The following GRAMD1B variants were observed in gnomAD, a reference collection of about 807,000 sequenced individuals.
The protein encoded by GRAMD1B is GRAM domain containing 1B, also known as protein Aster-B.
Under a neutral mutation model 99.7 loss-of-function variants are expected in GRAMD1B, and 37 were observed. That is an observed-to-expected ratio of 0.37 (90% CI 0.29 to 0.49). GRAMD1B has a LOEUF of 0.49. GRAMD1B is among the 20% of genes least tolerant of loss of function. The pLI is 0.98. For missense variants in GRAMD1B, 888 were observed against 1,009.2 expected (o/e 0.88, Z 1.63); for synonymous variants, 427 against 387.6 (o/e 1.10, Z -1.19).
At chr11:123,595,718 A>G (rs1218519753) in intron 6 of GRAMD1B, among the ~76,000 whole-genome samples, 1 of 152,186 alleles carries the variant, frequency 6.6e-6, no homozygotes, top group Non-Finnish European at 1.5e-5. Flanking sequence ...TTGCCCAAGA[A>G]TCAAGATACT....
At chr11:123,491,704 C>A (rs960642240) in intron 2 of GRAMD1B, 14 of 393,496 alleles carry the variant, frequency 3.6e-5, no homozygotes, top group Non-Finnish European at 4.9e-5. Context: ...TTATATTGAA[C>A]CACACGGAGG....
chr11:123,589,614 T>TATATA (rs1555089174), intron 4 of GRAMD1B, among the ~76,000 whole-genome samples: 7,364 of 127,998 alleles, frequency 0.058, 283 homozygotes, highest in South Asian at 0.089. Flanking sequence ...TGGCTAATTT[T>TATATA]TATATATATA....
Position 123,430,818 on chromosome 11 carries a change from A to G in GRAMD1B, c.26A>G (p.Asn9Ser). 1.4e-6 allele frequency: 1 copy of G among 695,084 alleles called. No individual in the cohort carries two copies. The highest frequency in any genetic ancestry group is 2.7e-5 in the East Asian group (1 of 37,058). The allele number at this position is 695,084 out of a possible 1,614,324, so 43.1% of individuals were successfully genotyped here. A position where few individuals can be genotyped will look rare whatever the true frequency, so the allele number is the denominator to read the frequency against. ...ATGCCGGCGGCCAACATGATGGAGAACCGGCCGCTGCCCGCCCTGCAGGTG... is the reference window on the plus strand; with the variant it reads ...ATGCCGGCGGCCAACATGATGGAGAGCCGGCCGCTGCCCGCCCTGCAGGTG... MPAANMME[N>S]RPLPALQVPE... The change falls in exon 1 of 20, where the codon AAC (asparagine) becomes AGC (serine). Residue 9 changes from asparagine to serine, a missense_variant. By Grantham distance (46) the Asn-to-Ser change is conservative. This residue lies in a region of GRAMD1B where 233 missense variants were observed against 154.6 expected (regional missense o/e 1.51). Coordinates refer to ENST00000635736, the MANE Select transcript of GRAMD1B (RefSeq NM_001387025.1).
intron 2 of GRAMD1B, among the ~76,000 whole-genome samples, chr11:123,548,325 T>TATATACACACACAC (rs1555067740): frequency 4.6e-5 from 4 of 86,902 alleles, no homozygotes; most frequent in Non-Finnish European, 4.2e-5. Context: ...TATATATATA[T>TATATACACACACAC]ACACACACAC....
intron 9 of GRAMD1B, 55 bp from the exon 10 acceptor site, chr11:123,605,267 G>C (rs916511635): frequency 7.8e-7 from 1 of 1,278,990 alleles, no homozygotes; most frequent in Admixed American, 2.3e-5. Context: ...TCTTAGAATA[G>C]TTGGCCATCT....
chr11:123,449,713 G>GTTTTTTTTTT (rs1245614513), intron 1 of GRAMD1B, among the ~76,000 whole-genome samples: 8 of 79,546 alleles, frequency 1.0e-4, no homozygotes, highest in African/African-American at 1.8e-4. Context: ...ACCATGCCTG[G>GTTTTTTTTTT]CTTTTTTTTT....
intron 1 of GRAMD1B, among the ~76,000 whole-genome samples, chr11:123,448,362 C>CTT (rs71279495): frequency 0.43 from 65,645 of 151,838 alleles, 14,529 homozygotes; most frequent in Middle Eastern, 0.57. Flanking sequence ...AAGCGATTCT[C>CTT]GTGTGTGCCA....
intron 11 of GRAMD1B, 99 bp downstream of exon 11, chr11:123,606,897 G>A: frequency 3.4e-6 from 3 of 872,896 alleles, no homozygotes; most frequent in Non-Finnish European, 5.4e-6. Context: ...TAGGTTCCTG[G>A]TGGAGAGATG....
intron 1 of GRAMD1B, among the ~76,000 whole-genome samples, chr11:123,410,907 A>C (rs1948024676): frequency 6.6e-6 from 1 of 152,078 alleles, no homozygotes; most frequent in African/African-American, 2.4e-5. Flanking sequence ...CTTCATGCCT[A>C]CCTAATGGTT....
chr11:123,514,513 T>C (rs560493578), intron 2 of GRAMD1B, among the ~76,000 whole-genome samples: 3 of 152,328 alleles, frequency 2.0e-5, no homozygotes, highest in South Asian at 4.1e-4. Flanking sequence ...AGTCACTGAA[T>C]GGTGGCTGTG....
chr11:123,500,054 G>A (rs1243577352), intron 2 of GRAMD1B, among the ~76,000 whole-genome samples: 3 of 152,154 alleles, frequency 2.0e-5, no homozygotes, highest in Non-Finnish European at 2.9e-5. Context: ...TTGGCCGGAC[G>A]CAGTGGCTCA....
At chr11:123,619,633 A>T in intron 19 of GRAMD1B, 8 of 401,094 alleles carry the variant, frequency 2.0e-5, no homozygotes, top group Non-Finnish European at 2.4e-5. Flanking sequence ...CTCCTCTGAC[A>T]GTCAGTGGCA....
At chr11:123,385,853 C>T (rs1947037533) in intron 1 of GRAMD1B, among the ~76,000 whole-genome samples, 1 of 152,126 alleles carries the variant, frequency 6.6e-6, no homozygotes, top group Admixed American at 6.5e-5. Context: ...TTCCCTGTGC[C>T]ACTGTGAGTC....
At chr11:123,403,971 GTCTT>G (rs1439481207) in intron 1 of GRAMD1B, among the ~76,000 whole-genome samples, 1 of 152,126 alleles carries the variant, frequency 6.6e-6, no homozygotes, top group Non-Finnish European at 1.5e-5. Flanking sequence ...CACCTTACGT[GTCTT>G]TCTTTTTGTT....
At chr11:123,412,076 TGTG>T (rs1236070945) in intron 1 of GRAMD1B, among the ~76,000 whole-genome samples, 1 of 152,198 alleles carries the variant, frequency 6.6e-6, no homozygotes, top group Non-Finnish European at 1.5e-5. Context: ...AGATACATAA[TGTG>T]GTAAGTGTAT....
chr11:123,360,437 C>G (rs1450587623), intron 1 of GRAMD1B, among the ~76,000 whole-genome samples: 2 of 152,218 alleles, frequency 1.3e-5, no homozygotes, highest in Non-Finnish European at 2.9e-5. Flanking sequence ...GAGATCTCAT[C>G]CTCACCTTGC....
At chr11:123,415,556 C>A (rs748107272) in intron 1 of GRAMD1B, among the ~76,000 whole-genome samples, 1 of 150,588 alleles carries the variant, frequency 6.6e-6, no homozygotes, top group Non-Finnish European at 1.5e-5. Context: ...CTTCAGGACG[C>A]CTTAGGTCTT....
In GRAMD1B at chr11:123,424,926, T is replaced by C. The variant is rs1055981169; in HGVS notation, c.-175-55890T>C. ...GTAACAACTACTTGTAGAATTAAAC[T>C]GAGTTGAAAATCAACAAGAATAGTC... On this transcript the variant is annotated intron_variant, in intron 1 of 20. Transcript: ENST00000638157. Among the ~76,000 whole-genome samples, 6 of 152,336 alleles carry C rather than the reference T, an allele frequency of 3.9e-5. No homozygotes were observed. In the South Asian group the frequency reaches 6.2e-4, roughly 16 times the overall value.
intron 2 of GRAMD1B, among the ~76,000 whole-genome samples, chr11:123,498,376 A>G (rs1217996076): frequency 6.6e-6 from 1 of 152,192 alleles, no homozygotes; most frequent in Non-Finnish European, 1.5e-5. Context: ...CCCTCTCCCA[A>G]GTGTACAGAT....
Sources: gnomAD v4.1 joint callset for allele counts (sites outside exome capture counted in the v4.1 genomes callset) on GRCh38, gnomAD v4.1.1 for gene constraint, gnomAD v4.1.1 regional missense constraint, MANE v1.5 for transcripts, NCBI Gene and HGNC (gene_info 2026-07-23, HGNC 2026-07-21) for gene names.